The following B3GLCT variants were observed in gnomAD, a reference collection of about 807,000 sequenced individuals.
B3GLCT encodes beta-1,3-glucosyltransferase.
B3GLCT carries 65 observed loss-of-function variants against 63.4 expected under a neutral mutation model. The observed-to-expected ratio is 1.03, with a 90% CI of 0.84 to 1.26. B3GLCT has a LOEUF of 1.26. B3GLCT is among the 50% of genes most tolerant of loss of function. The pLI, the probability that B3GLCT is intolerant of heterozygous loss-of-function variation, is 0.00. For missense variants in B3GLCT, 577 were observed against 604.8 expected (o/e 0.95, Z 0.48); for synonymous variants, 233 against 219.2 (o/e 1.06, Z -0.55).
chr13:31,209,002 C>G (rs1410538143), intron 1 of B3GLCT, among the ~76,000 whole-genome samples: 1 of 152,182 alleles, frequency 6.6e-6, no homozygotes, highest in Non-Finnish European at 1.5e-5. Context: ...CTGGGTCACT[C>G]CCTCTTCTGA....
At chr13:31,296,696 A>G (rs1263038020) in intron 12 of B3GLCT, among the ~76,000 whole-genome samples, 6 of 30,578 alleles carry the variant, frequency 2.0e-4, no homozygotes. Context: ...CTGTAAAATT[A>G]TGTAACATTT....
At chr13:31,210,722 C>A (rs1869212934) in intron 1 of B3GLCT, among the ~76,000 whole-genome samples, 1 of 152,122 alleles carries the variant, frequency 6.6e-6, no homozygotes, top group Non-Finnish European at 1.5e-5. Context: ...TCAGTGCCTT[C>A]ACAATATATT....
At chr13:31,267,601 A>C (rs548069118) in intron 7 of B3GLCT, among the ~76,000 whole-genome samples, 13 of 152,114 alleles carry the variant, frequency 8.5e-5, no homozygotes, top group Non-Finnish European at 1.3e-4. Context: ...TTGAGTGGGA[A>C]TGTGACAGAT....
intron 6 of B3GLCT, among the ~76,000 whole-genome samples, chr13:31,254,810 G>A (rs940812789): frequency 6.6e-6 from 1 of 152,146 alleles, no homozygotes; most frequent in African/African-American, 2.4e-5. Flanking sequence ...CCAGCACTTT[G>A]GGAGGCCGAG....
At chr13:31,208,626 C>G (rs77813822) in intron 1 of B3GLCT, among the ~76,000 whole-genome samples, 3 of 101,030 alleles carry the variant, frequency 3.0e-5, no homozygotes, top group African/African-American at 6.5e-5. Context: ...GTGGCCCCCC[C>G]CCCCCGCTCA....
At chr13:31,234,127 C>T (rs1198214822) in intron 4 of B3GLCT, among the ~76,000 whole-genome samples, 1 of 152,028 alleles carries the variant, frequency 6.6e-6, no homozygotes, top group Non-Finnish European at 1.5e-5. Context: ...ATGCCATTCT[C>T]CTGCCTCAGC....
In B3GLCT at chr13:31,224,059, G is replaced by A. The variant is rs527649015; in HGVS notation, c.160+1068G>A. Among the ~76,000 whole-genome samples the A allele has an allele frequency of 3.3e-5, 5 of 152,294 alleles. No homozygotes were observed. The South Asian group carries it at 1.0e-3, about 32-fold the overall frequency. ...CCTTCCTGGGCCTGGGTTCTGAGGG[G>A]TGCAGAAGTTCAGGAGAGACCCCCG... On this transcript the variant is annotated intron_variant, in intron 3 of 14. Transcript: ENST00000343307.
At chr13:31,287,334 A>G (rs1009264588) in intron 12 of B3GLCT, among the ~76,000 whole-genome samples, 2 of 152,098 alleles carry the variant, frequency 1.3e-5, no homozygotes, top group African/African-American at 4.8e-5. Flanking sequence ...ACCCAACCAG[A>G]TTAGAGGGAA....
chr13:31,229,604 G>T (rs1870272963), intron 4 of B3GLCT, among the ~76,000 whole-genome samples: 1 of 151,856 alleles, frequency 6.6e-6, no homozygotes, highest in Admixed American at 6.6e-5. Flanking sequence ...AAATTAGCAG[G>T]GCCTGGTGAT....
At chr13:31,275,695 A>G (rs1872750098) in intron 9 of B3GLCT, among the ~76,000 whole-genome samples, 1 of 152,142 alleles carries the variant, frequency 6.6e-6, no homozygotes, top group Admixed American at 6.5e-5. Flanking sequence ...TCATAAGAAA[A>G]AATGTGTTCA....
chr13:31,299,815 T>G (rs1471310247), intron 12 of B3GLCT, among the ~76,000 whole-genome samples: 1 of 152,148 alleles, frequency 6.6e-6, no homozygotes, highest in Non-Finnish European at 1.5e-5. Context: ...TTGTTCTACT[T>G]TAATGCACCC....
chr13:31,253,728 A>G (rs1405863967), intron 6 of B3GLCT, among the ~76,000 whole-genome samples: 2 of 152,018 alleles, frequency 1.3e-5, no homozygotes, highest in African/African-American at 4.8e-5. Context: ...CCTTCAAAAA[A>G]AATCAATGAA....
At position 31,272,003 on chromosome 13, in the gene B3GLCT, A is replaced by G. The variant is rs563931113; in HGVS notation, c.661-2506A>G. Among the ~76,000 whole-genome samples, 3 of 152,124 alleles carry G rather than the reference A, an allele frequency of 2.0e-5. No homozygotes were observed. In the South Asian group the frequency reaches 6.2e-4, roughly 32 times the overall value. ...GCATTTTTTGGTTGTTTGCCTCATA[A>G]TCGTTTTTTGTCTTTTTCTTTCAAT... is the stretch of plus-strand genomic sequence containing the variant. On this transcript the variant is annotated intron_variant, in intron 8 of 14. Transcript: ENST00000343307.
chr13:31,211,394 C>T (rs1869251798), intron 1 of B3GLCT, among the ~76,000 whole-genome samples: 1 of 151,776 alleles, frequency 6.6e-6, no homozygotes. Context: ...AGACCTGTCT[C>T]AAAACAAAAC....
At chr13:31,275,528 C>T (rs940953582) in intron 9 of B3GLCT, among the ~76,000 whole-genome samples, 5 of 152,122 alleles carry the variant, frequency 3.3e-5, no homozygotes, top group Non-Finnish European at 7.3e-5. Context: ...TCCACAAGCC[C>T]GCACCCTTTA....
chr13:31,247,827 A>G (rs1020981140), intron 5 of B3GLCT, 28 bp from the exon 6 acceptor site: 20 of 1,162,514 alleles, frequency 1.7e-5, no homozygotes, highest in Middle Eastern at 2.1e-4. Context: ...TACAGAAGTG[A>G]TTACTGAAAC....
intron 12 of B3GLCT, among the ~76,000 whole-genome samples, chr13:31,297,608 C>T (rs558079312): frequency 1.3e-5 from 2 of 152,158 alleles, no homozygotes. Flanking sequence ...AATGGGTGTC[C>T]TTTAATTCAA....
intron 12 of B3GLCT, among the ~76,000 whole-genome samples, chr13:31,291,725 A>G (rs1270242762): frequency 6.6e-6 from 1 of 152,140 alleles, no homozygotes; most frequent in Non-Finnish European, 1.5e-5. Context: ...GGCTGAGATG[A>G]TGGATTTTCT....
chr13:31,285,812 A>G, intron 11 of B3GLCT, among the ~76,000 whole-genome samples: 1 of 152,058 alleles, frequency 6.6e-6, no homozygotes, highest in East Asian at 1.9e-4. Flanking sequence ...TGGAAAAACG[A>G]TTTTAGATTG....
Sources: gnomAD v4.1 joint callset for allele counts (sites outside exome capture counted in the v4.1 genomes callset) on GRCh38, gnomAD v4.1.1 for gene constraint, MANE v1.5 for transcripts, NCBI Gene and HGNC (gene_info 2026-07-23, HGNC 2026-07-21) for gene names.